The following PDS5A variants were observed in gnomAD, a reference collection of about 807,000 sequenced individuals.
The protein encoded by PDS5A is sister chromatid cohesion protein PDS5 homolog A.
In PDS5A, 42 loss-of-function variants were observed where a neutral mutation model predicts 167.1. The ratio of observed to expected loss-of-function variants is 0.25; its 90% CI spans 0.20 to 0.33. The LOEUF is 0.33. Ranked by LOEUF, PDS5A falls within the 10% of genes least tolerant of loss-of-function variation. PDS5A has a pLI of 1.00. For missense variants in PDS5A, 1,033 were observed against 1,605.9 expected, an observed-to-expected ratio of 0.64 and a Z score of 6.10; for synonymous variants, 553 against 554.6, an observed-to-expected ratio of 1.00 and a Z score of 0.04.
intron 16 of PDS5A, among the ~76,000 whole-genome samples, chr4:39,896,362 T>TA (rs1722411185): frequency 6.7e-6 from 1 of 148,994 alleles, no homozygotes; most frequent in Non-Finnish European, 1.5e-5. Flanking sequence ...TTTTTTTTTT[T>TA]AGCTTTTTGA....
intron 7 of PDS5A, among the ~76,000 whole-genome samples, chr4:39,918,721 G>T (rs1724640416): frequency 6.6e-6 from 1 of 152,046 alleles, no homozygotes; most frequent in East Asian, 1.9e-4. Context: ...GGGCGTGGTG[G>T]CACACATCTG....
chr4:39,934,006 G>C (rs939067), intron 2 of PDS5A, among the ~76,000 whole-genome samples: 11,760 of 152,296 alleles, frequency 0.077, 511 homozygotes, highest in Middle Eastern at 0.18. Context: ...ATACACAGCA[G>C]CTTTCTACTA....
At chr4:39,915,059 G>C (rs1169283109) in intron 8 of PDS5A, among the ~76,000 whole-genome samples, 1 of 151,268 alleles carries the variant, frequency 6.6e-6, no homozygotes, top group Admixed American at 6.6e-5. Context: ...TTTTTAAGAG[G>C]TAAGAGTCTT....
chr4:39,864,935 G>T (rs1321589016), intron 23 of PDS5A, among the ~76,000 whole-genome samples: 1 of 152,144 alleles, frequency 6.6e-6, no homozygotes, highest in African/African-American at 2.4e-5. Flanking sequence ...AATAATGCTG[G>T]AGGAACATGC....
At chr4:39,912,091 T>C (rs572812860) in intron 9 of PDS5A, among the ~76,000 whole-genome samples, 2 of 152,308 alleles carry the variant, frequency 1.3e-5, no homozygotes, top group East Asian at 3.9e-4. Context: ...AATAAAATAC[T>C]GCATTTAGGA....
At chr4:39,916,485 T>C (rs1321037391) in intron 8 of PDS5A, among the ~76,000 whole-genome samples, 2 of 152,228 alleles carry the variant, frequency 1.3e-5, no homozygotes, top group African/African-American at 4.8e-5. Flanking sequence ...AATACCAACA[T>C]GTATTATAAA....
chr4:39,828,500 G>T (rs1250092601), intron 32 of PDS5A, among the ~76,000 whole-genome samples: 1 of 152,210 alleles, frequency 6.6e-6, no homozygotes, highest in Non-Finnish European at 1.5e-5. Context: ...CCACATATTA[G>T]AAGTTATGGC....
chr4:39,960,210 A>G (rs528535018), intron 2 of PDS5A, among the ~76,000 whole-genome samples: 5 of 152,300 alleles, frequency 3.3e-5, no homozygotes, highest in Non-Finnish European at 7.4e-5. Context: ...CAAAGGTTGC[A>G]GTGAGCCGAA....
In PDS5A at chr4:39,904,057, C is replaced by T. The variant is rs1443492584; in HGVS notation, c.1368G>A (p.Gln456=). Residue 456 remains glutamine (Q), a synonymous_variant, in exon 12 of 33, where the codon CAG becomes CAA. Coordinates refer to ENST00000303538, the MANE Select transcript of PDS5A (RefSeq NM_001100399.2). The part of the protein sequence containing the change: ...IKDKLLHIYY[Q]NSIDDKLLVE... ...AAACTCACTTGTCGTCAATGCTGTT[C>T]TGATAATAAATATGCAGAAGTTTGT... is the stretch of plus-strand genomic sequence containing the variant. 6.2e-7 allele frequency: 1 copy of T among 1,609,748 alleles called. No individual in the cohort carries two copies. The highest frequency in any genetic ancestry group is 2.2e-5 in the East Asian group (1 of 44,738).
chr4:39,960,598 G>A (rs1327343561), intron 2 of PDS5A, among the ~76,000 whole-genome samples: 1 of 151,862 alleles, frequency 6.6e-6, no homozygotes, highest in Non-Finnish European at 1.5e-5. Context: ...ACAGGCTAGA[G>A]TGCAATGGTG....
chr4:39,973,627 G>C, intron 2 of PDS5A: 1 of 1,308,762 alleles, frequency 7.6e-7, no homozygotes, highest in Non-Finnish European at 1.1e-6. Context: ...CACTAAAGCA[G>C]TTACAGAAAT....
chr4:39,920,249 G>T, intron 7 of PDS5A, 70 bp downstream of exon 7: 1 of 656,662 alleles, frequency 1.5e-6, no homozygotes. Flanking sequence ...TTATGTAAGA[G>T]GTTCTAATAA....
At chr4:39,953,454 G>C (rs1232800952) in intron 2 of PDS5A, among the ~76,000 whole-genome samples, 1 of 151,498 alleles carries the variant, frequency 6.6e-6, no homozygotes, top group Admixed American at 6.6e-5. Flanking sequence ...CAACACACTG[G>C]GAGTGGTGGC....
chr4:39,844,941 G>T, intron 29 of PDS5A, 140 bp from the exon 30 acceptor site: 1 of 899,224 alleles, frequency 1.1e-6, no homozygotes, highest in Non-Finnish European at 1.6e-6. Context: ...TCTGGGCCAG[G>T]CATACTGGCT....
At chr4:39,922,771 A>T in intron 5 of PDS5A, 23 bp from the exon 6 acceptor site, 1 of 1,420,620 alleles carries the variant, frequency 7.0e-7, no homozygotes, top group Non-Finnish European at 9.3e-7. Flanking sequence ...AAAAAAAAGA[A>T]TAAGTAGTAG....
chr4:39,874,217 T>C, intron 20 of PDS5A, 72 bp downstream of exon 20: 1 of 1,313,902 alleles, frequency 7.6e-7, no homozygotes, highest in South Asian at 1.3e-5. Flanking sequence ...AAAATCTAGC[T>C]TCCATCTTCA....
intron 10 of PDS5A, among the ~76,000 whole-genome samples, chr4:39,909,854 G>C (rs1723744616): frequency 6.6e-6 from 1 of 152,080 alleles, no homozygotes. Flanking sequence ...TAATTAAATA[G>C]ACATAATGAT....
At chr4:39,924,010 C>T (rs1725247427) in intron 5 of PDS5A, among the ~76,000 whole-genome samples, 1 of 152,086 alleles carries the variant, frequency 6.6e-6, no homozygotes, top group Non-Finnish European at 1.5e-5. Context: ...GAATTTCAAA[C>T]AGACAAATGA....
At chr4:39,930,246 A>AAATTTTTTTTTTTTTT in intron 2 of PDS5A, among the ~76,000 whole-genome samples, 1 of 93,088 alleles carries the variant, frequency 1.1e-5, no homozygotes, top group Non-Finnish European at 2.2e-5. Context: ...AAAAAAAAAA[A>AAATTTTTTTTTTTTTT]GTTTTTTTGT....
Sources: gnomAD v4.1 joint callset for allele counts (sites outside exome capture counted in the v4.1 genomes callset) on GRCh38, gnomAD v4.1.1 for gene constraint, MANE v1.5 for transcripts, NCBI Gene and HGNC (gene_info 2026-07-23, HGNC 2026-07-21) for gene names.